Variants in FAS observed in about 807,000 individuals in gnomAD.
FAS encodes the protein tumor necrosis factor receptor superfamily member 6.
A neutral mutation model predicts 33.2 loss-of-function variants in FAS; 5 were observed. The ratio of observed to expected loss-of-function variants is 0.15; its 90% CI spans 0.08 to 0.32. The LOEUF (loss-of-function observed/expected upper bound fraction) is 0.32. FAS is among the 10% of genes least tolerant of loss of function. The pLI, the probability that FAS is intolerant of heterozygous loss-of-function variation, is 1.00. For missense variants in FAS, 339 were observed against 386.0 expected, an observed-to-expected ratio of 0.88 and a Z score of 1.02; for synonymous variants, 131 against 130.7, an observed-to-expected ratio of 1.00 and a Z score of -0.01.
At chr10:89,003,715 T>C (rs943282154) in intron 2 of FAS, among the ~76,000 whole-genome samples, 5 of 152,222 alleles carry the variant, frequency 3.3e-5, no homozygotes, top group Admixed American at 2.0e-4. Flanking sequence ...AGCTTTTTTT[T>C]TTAAATCAAT....
rs7079111 is a variant in FAS, at chr10:88,991,225, T to G, written c.30+319T>G. The G allele has an allele frequency of 0.89, 464,538 of 524,120 alleles. 206,463 individuals carry two copies. Among genetic ancestry groups the G allele is most frequent in the East Asian group, 0.99 (30,424 of 30,606 alleles). 32.5% of individuals were successfully genotyped at this position (524,120 alleles called of 1,614,324 possible). Reference sequence around the variant, plus strand: ...GCTCCACGTTGAGGTGGGCGTGGGGTGCGGACAGGAATTGAAGCGGAAGTC... The same window carrying G: ...GCTCCACGTTGAGGTGGGCGTGGGGGGCGGACAGGAATTGAAGCGGAAGTC... On this transcript the variant is annotated intron_variant, in intron 1 of 8. Coordinates refer to ENST00000652046, the MANE Select transcript of FAS (RefSeq NM_000043.6).
chr10:88,970,707 C>T (rs577865641), intron 1 of FAS, among the ~76,000 whole-genome samples: 4 of 151,936 alleles, frequency 2.6e-5, no homozygotes, highest in African/African-American at 4.8e-5. Flanking sequence ...CATCACACAC[C>T]GGGGCCTGTT....
At chr10:88,990,669 C>T (rs1192530320), upstream of FAS, 3 of 703,148 alleles carry the variant, frequency 4.3e-6, no homozygotes, top group Non-Finnish European at 7.7e-6. The surrounding 1 kb of genome is among the most constrained non-coding windows in gnomAD (Gnocchi z 4.9). Context: ...AAGAGTGACA[C>T]ACAGGTGTTC....
rs568839292 is a variant in FAS at position 88,967,655 on chromosome 10, G to A, written n.95-5527G>A. ...CTTGTTTCTTGAACTTTCAAAGACA[G>A]AAGATGAACATATAAAATAGAATAT... is the stretch of plus-strand genomic sequence containing the variant. On this transcript the variant is annotated intron_variant and non_coding_transcript_variant, in intron 1 of 3. Coordinates refer to the FAS transcript ENST00000688239. Among the ~76,000 whole-genome samples the A allele has an allele frequency of 9.9e-5, 15 of 152,276 alleles. No individual in the cohort carries two copies. The South Asian group carries it at 3.1e-3, about 32-fold the overall frequency.
At chr10:88,973,444 C>A in intron 2 of FAS, 1 of 1,066,022 alleles carries the variant, frequency 9.4e-7, no homozygotes, top group Non-Finnish European at 1.2e-6. Context: ...TCTGCCTTTC[C>A]TTTCTAAAGA....
At chr10:88,981,854 C>T (rs1005569154), upstream of FAS, among the ~76,000 whole-genome samples, 8 of 152,170 alleles carry the variant, frequency 5.3e-5, no homozygotes, top group Non-Finnish European at 1.0e-4. Flanking sequence ...ACTAAAAAGA[C>T]AGGCATTATC....
chr10:88,976,103 A>G (rs928491295), intron 2 of FAS, among the ~76,000 whole-genome samples: 1 of 152,188 alleles, frequency 6.6e-6, no homozygotes, highest in African/African-American at 2.4e-5. Context: ...TGTGTAATAC[A>G]GGGGTGTCCA....
intron 3 of FAS, among the ~76,000 whole-genome samples, chr10:89,008,291 A>C (rs1223171360): frequency 2.0e-5 from 3 of 152,140 alleles, no homozygotes; most frequent in African/African-American, 7.2e-5. Context: ...ATTTTCATGG[A>C]TATCTCAATG....
upstream of FAS, among the ~76,000 whole-genome samples, chr10:88,982,302 T>C (rs1846730141): frequency 6.6e-6 from 1 of 152,234 alleles, no homozygotes; most frequent in Admixed American, 6.5e-5. Context: ...CTAAGTGATC[T>C]AAATGAAGAG....
At chr10:88,991,101 C>T (rs1847168776) in intron 1 of FAS, 195 bp downstream of exon 1, 3 of 678,408 alleles carry the variant, frequency 4.4e-6, no homozygotes, top group Admixed American at 5.0e-5. Flanking sequence ...GGCCCGGGTG[C>T]TCAGAACGCT....
At chr10:88,995,355 C>T (rs1221481056) in intron 1 of FAS, among the ~76,000 whole-genome samples, 3 of 152,120 alleles carry the variant, frequency 2.0e-5, no homozygotes, top group African/African-American at 4.8e-5. Context: ...TCACCTTCCC[C>T]GGAAGGAAAT....
chr10:88,988,765 T>A (rs1380721159), upstream of FAS, among the ~76,000 whole-genome samples: 13 of 152,296 alleles, frequency 8.5e-5, no homozygotes, highest in South Asian at 2.7e-3. Flanking sequence ...CTTCAAAGGA[T>A]TCCAAAGGCA....
chr10:89,014,732 C>G lies in FAS; in HGVS notation c.*282C>G. On this transcript the variant is annotated 3_prime_UTR_variant, in exon 9 of 9. Transcript: ENST00000652046. ...GAGGATGAAAGATTAAGATTATGCT[C>G]TGGCATCTAACATATGATTCTGTAG... is the stretch of plus-strand genomic sequence containing the variant. The G allele has an allele frequency of 1.7e-6, 1 of 604,310 alleles. No individual in the cohort carries two copies. The highest frequency in any genetic ancestry group is 3.1e-6 in the Non-Finnish European group (1 of 323,586). 37.4% of individuals were successfully genotyped at this position (604,310 alleles called of 1,614,324 possible). A position where few individuals can be genotyped will look rare whatever the true frequency, so the allele number is the denominator to read the frequency against.
At chr10:88,973,271 C>G in exon 2 of FAS, 1 of 1,612,482 alleles carries the variant, frequency 6.2e-7, no homozygotes, top group Admixed American at 1.7e-5. Context: ...GATTCCCACT[C>G]TTGGGGATCT....
upstream of FAS, among the ~76,000 whole-genome samples, chr10:88,982,656 C>G (rs1455782500): frequency 1.3e-5 from 2 of 152,084 alleles, no homozygotes; most frequent in Non-Finnish European, 2.9e-5. Context: ...TGAAAATGAA[C>G]TAAGTTTTTT....
intron 1 of FAS, among the ~76,000 whole-genome samples, chr10:88,993,525 A>T (rs1847398014): frequency 6.6e-6 from 1 of 152,164 alleles, no homozygotes; most frequent in African/African-American, 2.4e-5. Context: ...CCAGGCAATC[A>T]CTGGACAGCC....
At chr10:89,001,696 G>T (rs1847940743) in intron 1 of FAS, among the ~76,000 whole-genome samples, 1 of 152,162 alleles carries the variant, frequency 6.6e-6, no homozygotes, top group Non-Finnish European at 1.5e-5. Flanking sequence ...CACTGATGCT[G>T]CAGGCAATGG....
chr10:88,995,218 T>A (rs1847516222), intron 1 of FAS, among the ~76,000 whole-genome samples: 1 of 152,212 alleles, frequency 6.6e-6, no homozygotes, highest in Non-Finnish European at 1.5e-5. Flanking sequence ...CAATTAAATA[T>A]CTTCAATTCA....
Position 88,997,843 on chromosome 10 carries a change from G to A in FAS, c.31-5186G>A, listed in dbSNP as rs370128910. Among the ~76,000 whole-genome samples the A allele has an allele frequency of 2.1e-4, 32 of 152,296 alleles. No homozygotes were observed. In the East Asian group the frequency reaches 3.3e-3, roughly 16 times the overall value. On this transcript the variant is annotated intron_variant, in intron 1 of 8. Transcript: ENST00000652046. Reference sequence around the variant, plus strand: ...CTCCATTTTTGTCCTCAGCAGTAGAGGGTGGTGAGATTTCAACCCAGCCTA... The same window carrying A: ...CTCCATTTTTGTCCTCAGCAGTAGAAGGTGGTGAGATTTCAACCCAGCCTA...
Sources: allele counts gnomAD v4.1 joint callset (sites outside exome capture counted in the v4.1 genomes callset), GRCh38; gene constraint gnomAD v4.1.1; non-coding constraint Gnocchi (gnomAD v3.1); transcripts MANE v1.5; gene names NCBI Gene and HGNC (gene_info 2026-07-23, HGNC 2026-07-21).